ALG8: variants seen among roughly 807,000 people sequenced by gnomAD.
The protein encoded by ALG8 is dolichyl pyrophosphate Glc1Man9GlcNAc2 alpha-1,3-glucosyltransferase.
In ALG8, 48 loss-of-function variants were observed where a neutral mutation model predicts 70.2. The ratio of observed to expected loss-of-function variants is 0.68; its 90% CI spans 0.54 to 0.87. The LOEUF is 0.87. ALG8 is among the 40% of genes least tolerant of loss of function. The pLI is 0.00. For synonymous variants in ALG8, 234 were observed against 229.0 expected, an observed-to-expected ratio of 1.02 and a Z score of -0.20; for missense variants, 572 against 608.7, an observed-to-expected ratio of 0.94 and a Z score of 0.64.
chr11:78,136,315 A>C (rs1489933306), intron 1 of ALG8, among the ~76,000 whole-genome samples: 1 of 151,976 alleles, frequency 6.6e-6, no homozygotes, highest in Non-Finnish European at 1.5e-5. Context: ...AGAAAAAAAA[A>C]AAACAAACCA....
At position 78,106,827 on chromosome 11, in the gene ALG8, A is replaced by G. The variant is rs756846211; in HGVS notation, c.1158T>C (p.Leu386=). 5 of 1,613,968 alleles carry G rather than the reference A, an allele frequency of 3.1e-6. No homozygotes were observed. The highest frequency in any genetic ancestry group is 4.2e-6 in the Non-Finnish European group (5 of 1,179,988). The change falls in exon 10 of 13, where the codon CTT becomes CTC. Residue 386 remains leucine (L), a synonymous_variant. Coordinates refer to ENST00000299626, the MANE Select transcript of ALG8 (RefSeq NM_024079.5). ...CTTACCTCATTGGGAGAATTGCTAG[A>G]AGTATGGCTTTTTCATGAACATGCC... is the stretch of plus-strand genomic sequence containing the variant. ...FGWHVHEKAI[L]LAILPMSLLS...
intron 1 of ALG8, among the ~76,000 whole-genome samples, chr11:78,130,476 T>G (rs1407996496): frequency 6.6e-6 from 1 of 152,056 alleles, no homozygotes; most frequent in Non-Finnish European, 1.5e-5. Context: ...ACAGATGTAT[T>G]CACTTTGCAA....
chr11:78,134,139 GTTTT>G (rs762274757), intron 1 of ALG8, among the ~76,000 whole-genome samples: 3 of 139,980 alleles, frequency 2.1e-5, no homozygotes, highest in Non-Finnish European at 4.7e-5. Flanking sequence ...TGGCAAACTG[GTTTT>G]TTTTTTTTTT....
At chr11:78,119,101 C>T in intron 5 of ALG8, 81 bp downstream of exon 5, 1 of 1,065,152 alleles carries the variant, frequency 9.4e-7, no homozygotes, top group Non-Finnish European at 1.4e-6. Context: ...ATAAATTTAC[C>T]TATCACCCAC....
At chr11:78,121,591 A>C (rs1387510391) in intron 3 of ALG8, among the ~76,000 whole-genome samples, 1 of 151,896 alleles carries the variant, frequency 6.6e-6, no homozygotes, top group African/African-American at 2.4e-5. Flanking sequence ...TAGCACAAAC[A>C]AGGACCTCGG....
chr11:78,117,095 A>C (rs552057438), intron 5 of ALG8, among the ~76,000 whole-genome samples: 1 of 152,334 alleles, frequency 6.6e-6, no homozygotes, highest in South Asian at 2.1e-4. Flanking sequence ...TAGTTGACAA[A>C]GAACTTTAGA....
intron 1 of ALG8, among the ~76,000 whole-genome samples, chr11:78,130,505 A>G (rs1017698890): frequency 1.3e-5 from 2 of 152,102 alleles, no homozygotes; most frequent in African/African-American, 4.8e-5. Context: ...TGAGCTGTAC[A>G]TTTATGATTT....
chr11:78,125,885 C>A (rs895399565), intron 2 of ALG8, among the ~76,000 whole-genome samples: 1 of 152,088 alleles, frequency 6.6e-6, no homozygotes, highest in African/African-American at 2.4e-5. Flanking sequence ...CTGGGCCGGG[C>A]GCAGTGGCTC....
At chr11:78,128,173 C>A (rs1158635626) in intron 1 of ALG8, among the ~76,000 whole-genome samples, 1 of 152,186 alleles carries the variant, frequency 6.6e-6, no homozygotes, top group Admixed American at 6.5e-5. Context: ...CTTGCTTTGC[C>A]TTTCCCATGT....
intron 1 of ALG8, among the ~76,000 whole-genome samples, chr11:78,128,106 C>T (rs1861154769): frequency 6.6e-6 from 1 of 152,214 alleles, no homozygotes; most frequent in Admixed American, 6.5e-5. Flanking sequence ...AAAAAGGCCT[C>T]ATATACCAAG....
chr11:78,105,421 T>C (rs1410500530), intron 10 of ALG8, among the ~76,000 whole-genome samples: 4 of 152,214 alleles, frequency 2.6e-5, no homozygotes, highest in Non-Finnish European at 5.9e-5. Flanking sequence ...TTCAACATCA[T>C]AAGATTCAGG....
intron 9 of ALG8, among the ~76,000 whole-genome samples, chr11:78,107,445 T>C (rs770169478): frequency 1.4e-5 from 2 of 147,236 alleles, no homozygotes; most frequent in Non-Finnish European, 3.0e-5. Context: ...GGTCTCAAAA[T>C]CCTGACCTCG....
intron 12 of ALG8, 77 bp downstream of exon 12, chr11:78,103,903 T>C (rs1859906656): frequency 3.7e-6 from 3 of 804,636 alleles, no homozygotes; most frequent in East Asian, 5.6e-5. Flanking sequence ...AAAAATAAAA[T>C]TTAAAGAGCT....
chr11:78,126,008 A>C (rs968694403), intron 2 of ALG8, among the ~76,000 whole-genome samples: 4 of 151,372 alleles, frequency 2.6e-5, no homozygotes, highest in Non-Finnish European at 5.9e-5. Flanking sequence ...AAATACAAAA[A>C]ATTAGCCTGG....
In ALG8 at chr11:78,104,017, T is replaced by C. The variant is rs1329784268; in HGVS notation, c.1312A>G (p.Thr438Ala). The C allele has an allele frequency of 2.6e-6, 4 of 1,512,098 alleles. No homozygotes were observed. Among genetic ancestry groups the C allele is most frequent in the East Asian group, 2.3e-5 (1 of 44,204 alleles). The allele number at this position is 1,512,098 out of a possible 1,614,324, so 93.7% of individuals were successfully genotyped here. A position where few individuals can be genotyped will look rare whatever the true frequency, so the allele number is the denominator to read the frequency against. ...TTCAGTGACGAAATACTATATATGG[T>C]GAATAGTAACATGAGTAAGATTTTA... is the stretch of plus-strand genomic sequence containing the variant. ...PIKILLMLLF[T>A]IYSISSLKTL... Residue 438 changes from threonine to alanine, a missense_variant, in exon 12 of 13, where the codon ACC becomes GCC. By Grantham distance (58) the Thr-to-Ala change is moderately conservative. Transcript: ENST00000299626.
chr11:78,109,091 G>T (rs535687758), intron 9 of ALG8, among the ~76,000 whole-genome samples: 25 of 152,198 alleles, frequency 1.6e-4, no homozygotes, highest in Admixed American at 1.6e-3. Context: ...TTAGCTAACG[G>T]TGAGAAAAAC....
In ALG8 at chr11:78,114,332, G is replaced by C. The variant is rs760591590; in HGVS notation, c.607C>G (p.Leu203Val). Residue 203 changes from leucine (L) to valine (V), a missense_variant, in exon 6 of 13, where the codon CTC (leucine) becomes GTC (valine). Transcript: ENST00000299626. ...ACACCATAAGCTGGTGCTACATAGA[G>C]GTAGATATGCTTGAAATGTAGGAGA... ...AVLLHFKHIYLYVAPAYGVYL... is the reference protein window; with the variant it reads ...AVLLHFKHIYVYVAPAYGVYL... The C allele has an allele frequency of 1.9e-6, 3 of 1,614,042 alleles. No individual in the cohort carries two copies. Among genetic ancestry groups the C allele is most frequent in the Non-Finnish European group, 2.5e-6 (3 of 1,179,942 alleles).
At chr11:78,112,409 T>A (rs996767437) in intron 8 of ALG8, 1 of 464,084 alleles carries the variant, frequency 2.2e-6, no homozygotes, top group Non-Finnish European at 3.9e-6. Context: ...TTTTATTTTT[T>A]CCCCAGGAAA....
At chr11:78,105,101 A>C (rs921588794) in intron 10 of ALG8, among the ~76,000 whole-genome samples, 1 of 152,142 alleles carries the variant, frequency 6.6e-6, no homozygotes, top group African/African-American at 2.4e-5. Flanking sequence ...CCTATAGCTC[A>C]TCTCTTGGAC....
Sources: gnomAD v4.1 joint callset for allele counts (sites outside exome capture counted in the v4.1 genomes callset) on GRCh38, gnomAD v4.1.1 for gene constraint, MANE v1.5 for transcripts, NCBI Gene and HGNC (gene_info 2026-07-23, HGNC 2026-07-21) for gene names.